The following FAM117B variants were observed in gnomAD, a reference collection of about 807,000 sequenced individuals.
FAM117B encodes the protein protein FAM117B.
Under a neutral mutation model 52.8 loss-of-function variants are expected in FAM117B, and 22 were observed. The ratio of observed to expected loss-of-function variants is 0.42; its 90% CI spans 0.30 to 0.59. The LOEUF is 0.59. Among genes scored for constraint, FAM117B ranks in the 20% least tolerant of loss-of-function variants. FAM117B has a pLI of 0.22. For missense variants in FAM117B, 678 were observed against 802.6 expected (o/e 0.84, Z 1.88); for synonymous variants, 309 against 324.1 (o/e 0.95, Z 0.50).
rs1035971436 is a variant in FAM117B, at chr2:202,635,098, G to A, written c.-90G>A. 10 of 1,247,292 alleles carry A rather than the reference G, an allele frequency of 8.0e-6. No individual in the cohort carries two copies. The highest frequency in any genetic ancestry group is 6.2e-5 in the African/African-American group (4 of 64,002). The allele number at this position is 1,247,292 out of a possible 1,614,324, so 77.3% of individuals were successfully genotyped here. A position where few individuals can be genotyped will look rare whatever the true frequency, so the allele number is the denominator to read the frequency against. Reference sequence around the variant, plus strand: ...CGGCTTCGTCACCCCGTCTTGGGGGGCCTGCCCTCCGGCCTCGAGAATCCT... The same window carrying A: ...CGGCTTCGTCACCCCGTCTTGGGGGACCTGCCCTCCGGCCTCGAGAATCCT... On this transcript the variant is annotated 5_prime_UTR_variant, in exon 1 of 8. Transcript: ENST00000392238.
Position 202,726,252 on chromosome 2 carries a change from T to G in FAM117B, c.849T>G (p.Ile283Met). The G allele has an allele frequency of 1.2e-6, 2 of 1,611,344 alleles. No individual in the cohort carries two copies. The highest frequency in any genetic ancestry group is 1.7e-6 in the Non-Finnish European group (2 of 1,178,806). ...ACTTGCTATTTTTGCTTTCTCAGAT[T>G]GCAAAATTACGCCAGCAGTTGCAGA... ...SWGSTDQLKE[I>M]AKLRQQLQRS... The change falls in exon 4 of 8, where the codon ATT becomes ATG. Residue 283 changes from isoleucine to methionine, a missense_variant and splice_region_variant. Around this residue, in one of 3 missense-constraint regions of FAM117B, gnomAD observed 583 missense variants for 644.8 expected, o/e 0.90. Coordinates refer to ENST00000392238, the MANE Select transcript of FAM117B (RefSeq NM_173511.4).
chr2:202,717,984 A>C (rs1691084510), intron 2 of FAM117B, among the ~76,000 whole-genome samples: 1 of 151,720 alleles, frequency 6.6e-6, no homozygotes. Flanking sequence ...GTGAGCTGGC[A>C]CTCAGACCAC....
chr2:202,657,311 C>T (rs942593596), intron 1 of FAM117B, among the ~76,000 whole-genome samples: 3 of 152,148 alleles, frequency 2.0e-5, no homozygotes, highest in African/African-American at 7.2e-5. Context: ...TGGTCTCCAA[C>T]TCCTGACCTC....
chr2:202,661,230 AT>A (rs1690123177), intron 1 of FAM117B, among the ~76,000 whole-genome samples: 1 of 152,310 alleles, frequency 6.6e-6, no homozygotes, highest in East Asian at 1.9e-4. Context: ...TTTAGTGATA[AT>A]TGGTGCTAGA....
intron 1 of FAM117B, among the ~76,000 whole-genome samples, chr2:202,668,094 A>AAT (rs1177145705): frequency 2.1e-5 from 3 of 143,010 alleles, no homozygotes; most frequent in African/African-American, 8.0e-5. Flanking sequence ...ATTTTATAAA[A>AAT]ATATATTTAT....
intron 1 of FAM117B, among the ~76,000 whole-genome samples, chr2:202,642,365 A>ATATATATATATATATATATAT (rs1559092461): frequency 1.3e-5 from 2 of 148,540 alleles, no homozygotes; most frequent in African/African-American, 4.9e-5. Context: ...ATATATATAT[A>ATATATATATATATATATATAT]AAATGAGTAG....
At chr2:202,743,827 A>G (rs895522212) in intron 4 of FAM117B, among the ~76,000 whole-genome samples, 2 of 152,242 alleles carry the variant, frequency 1.3e-5, no homozygotes, top group African/African-American at 4.8e-5. Context: ...TTTTGAAACA[A>G]TCCAGTCAAA....
Position 202,726,349 on chromosome 2 carries a change from A to C in FAM117B, c.946A>C (p.Ile316Leu), listed in dbSNP as rs763076755. Reference protein sequence around the residue: ...QSPFHGNHAAINQCQAPVPKS... With the variant: ...QSPFHGNHAALNQCQAPVPKS... The stretch of plus-strand genomic sequence containing the variant: ...TCCATTTCATGGCAACCATGCAGCT[A>C]TTAACCAGTGTCAGGTAAGAGTACC... The change falls in exon 4 of 8, where the codon ATT becomes CTT. Residue 316 changes from isoleucine to leucine, a missense_variant. This residue lies in a region of FAM117B where 583 missense variants were observed against 644.8 expected (regional missense o/e 0.90). Transcript: ENST00000392238. The C allele has an allele frequency of 1.1e-5, 18 of 1,612,624 alleles. No homozygotes were observed. The South Asian group carries it at 1.3e-4, about 12-fold the overall frequency.
chr2:202,657,187 A>G (rs557167233), intron 1 of FAM117B, among the ~76,000 whole-genome samples: 1 of 152,220 alleles, frequency 6.6e-6, no homozygotes, highest in African/African-American at 2.4e-5. Flanking sequence ...TCTTGGGTTC[A>G]AGCAATTCTT....
chr2:202,646,064 T>C (rs1689857417), intron 1 of FAM117B, among the ~76,000 whole-genome samples: 1 of 151,638 alleles, frequency 6.6e-6, no homozygotes, highest in African/African-American at 2.4e-5. Context: ...TCTTGCTCCG[T>C]TGCCCAGGCT....
At position 202,695,968 on chromosome 2, in the gene FAM117B, C is replaced by G. The variant is rs889771289; in HGVS notation, c.689C>G (p.Ala230Gly). 7.4e-6 allele frequency: 12 copies of G among 1,614,182 alleles called. No individual in the cohort carries two copies. The highest frequency in any genetic ancestry group is 9.3e-6 in the Non-Finnish European group (11 of 1,180,014). The change falls in exon 2 of 8, where the codon GCT (alanine) becomes GGT (glycine). Residue 230 changes from alanine to glycine, a missense_variant. Ala to Gly is a moderately conservative substitution (Grantham distance 60). Coordinates refer to ENST00000392238, the MANE Select transcript of FAM117B (RefSeq NM_173511.4). ...SLDTLAAPYL[A>G]GHWPRDSHGQ... ...GATACTCTTGCTGCACCGTATCTTGCTGGACACTGGCCTCGGGATAGCCAT... is the reference window on the plus strand; with the variant it reads ...GATACTCTTGCTGCACCGTATCTTGGTGGACACTGGCCTCGGGATAGCCAT...
At chr2:202,656,329 C>G (rs1690055998) in intron 1 of FAM117B, among the ~76,000 whole-genome samples, 1 of 151,992 alleles carries the variant, frequency 6.6e-6, no homozygotes, top group African/African-American at 2.4e-5. Context: ...TCTTCTTTTT[C>G]TAATAGAAAC....
chr2:202,636,874 T>C (rs943608063), intron 1 of FAM117B, among the ~76,000 whole-genome samples: 2 of 152,352 alleles, frequency 1.3e-5, no homozygotes, highest in Admixed American at 6.5e-5. Context: ...ATAATACTTA[T>C]TTAGAGAGAA....
intron 2 of FAM117B, among the ~76,000 whole-genome samples, chr2:202,703,515 C>T (rs969364498): frequency 6.6e-6 from 1 of 152,130 alleles, no homozygotes; most frequent in Non-Finnish European, 1.5e-5. Flanking sequence ...CCACTATGCC[C>T]AGCTAGTTTT....
chr2:202,679,958 G>GA (rs1690437984), intron 1 of FAM117B, among the ~76,000 whole-genome samples: 1 of 152,112 alleles, frequency 6.6e-6, no homozygotes, highest in Admixed American at 6.6e-5. Flanking sequence ...TGTTCAGTAT[G>GA]CTCAGAGATT....
intron 1 of FAM117B, among the ~76,000 whole-genome samples, chr2:202,656,022 A>G (rs911356310): frequency 2.6e-5 from 4 of 152,154 alleles, no homozygotes; most frequent in African/African-American, 9.7e-5. Context: ...ATTTGTGGAC[A>G]TGCAGTTGTG....
At chr2:202,685,011 C>G (rs1690518499) in intron 1 of FAM117B, among the ~76,000 whole-genome samples, 1 of 151,690 alleles carries the variant, frequency 6.6e-6, no homozygotes, top group African/African-American at 2.4e-5. Context: ...TTGAGAGAGT[C>G]TTGCTCCATG....
Position 202,742,512 on chromosome 2 carries a change from C to T in FAM117B, c.961-13026C>T, listed in dbSNP as rs903955522. The stretch of plus-strand genomic sequence containing the variant: ...ATTTATAAAAAGAATGAGACCACAC[C>T]ATATACAAAAACAACCTCTAAATGG... On this transcript the variant is annotated intron_variant, in intron 4 of 7. Coordinates refer to ENST00000392238, the MANE Select transcript of FAM117B (RefSeq NM_173511.4). Among the ~76,000 whole-genome samples, 7 of 152,236 alleles carry T rather than the reference C, an allele frequency of 4.6e-5. No individual in the cohort carries two copies. The East Asian group carries it at 1.3e-3, about 29-fold the overall frequency.
intron 2 of FAM117B, among the ~76,000 whole-genome samples, chr2:202,708,414 C>G (rs531262119): frequency 1.3e-5 from 2 of 152,034 alleles, no homozygotes; most frequent in Admixed American, 1.3e-4. Context: ...TTTTTTAAGA[C>G]TGAATGCTTG....
Sources: gnomAD v4.1 joint callset for allele counts (sites outside exome capture counted in the v4.1 genomes callset) on GRCh38, gnomAD v4.1.1 for gene constraint, gnomAD v4.1.1 regional missense constraint, MANE v1.5 for transcripts, NCBI Gene and HGNC (gene_info 2026-07-23, HGNC 2026-07-21) for gene names.